ENAH: variants seen among roughly 807,000 people sequenced by gnomAD.
ENAH encodes the protein ENAH actin regulator.
In ENAH, 23 loss-of-function variants were observed where a neutral mutation model predicts 78.7. That is an observed-to-expected ratio of 0.29 (90% CI 0.21 to 0.41). The LOEUF is 0.41. ENAH is among the 10% of genes least tolerant of loss of function. The probability of loss-of-function intolerance (pLI) is 1.00; values close to 1 mark genes in which losing one functional copy is unlikely to be tolerated. For missense variants in ENAH, 544 were observed against 691.0 expected, an observed-to-expected ratio of 0.79 and a Z score of 2.39; for synonymous variants, 226 against 241.0, an observed-to-expected ratio of 0.94 and a Z score of 0.58.
intron 1 of ENAH, among the ~76,000 whole-genome samples, chr1:225,574,326 C>T (rs553718156): frequency 2.0e-5 from 3 of 152,230 alleles, no homozygotes; most frequent in East Asian, 1.9e-4. Context: ...GTGGGCCAGG[C>T]GCGGTGGCTC....
rs990088651 is a variant in ENAH at position 225,639,743 on chromosome 1, C to CACACAA, written c.5+12942_5+12943insTTGTGT. 2.1e-4 allele frequency among the ~76,000 whole-genome samples: 28 copies of CACACAA among 132,266 alleles called. 1 individual carries two copies. In the South Asian group the frequency reaches 4.2e-3, roughly 20 times the overall value. The allele number at this position is 132,266 out of a possible 152,430, so 86.8% of individuals were successfully genotyped here. ...ACACACACACACACACACACACACA[C>CACACAA]AAGAAGGATGGTCCTACTTCCTCCA... On this transcript the variant is annotated intron_variant, in intron 1 of 13. Transcript: ENST00000366843.
chr1:225,623,437 T>C (rs1245770348), intron 1 of ENAH, among the ~76,000 whole-genome samples: 1 of 152,116 alleles, frequency 6.6e-6, no homozygotes, highest in Admixed American at 6.5e-5. Context: ...TTCAAAAATA[T>C]GATAATACTT....
intron 1 of ENAH, among the ~76,000 whole-genome samples, chr1:225,597,655 C>CAA (rs565567062): frequency 1.5e-3 from 90 of 60,862 alleles, no homozygotes; most frequent in East Asian, 1.7e-3. Context: ...AAGAGCATCT[C>CAA]AAAAAAAAAA....
Position 225,494,526 on chromosome 1 carries a change from C to T in ENAH, c.*3249G>A, listed in dbSNP as rs549609288. 1.5e-4 allele frequency: 23 copies of T among 152,152 alleles called. 1 individual carries two copies. The highest frequency in any genetic ancestry group is 1.5e-3 in the Admixed American group (23 of 15,280). 9.4% of individuals were successfully genotyped at this position (152,152 alleles called of 1,614,324 possible). ...TAAAAATTAAACACTTAATCATCAT[C>T]TTGACTATAAGAGGAAGTTACTGTG... On this transcript the variant is annotated 3_prime_UTR_variant, in exon 14 of 14. Transcript: ENST00000366843.
At chr1:225,576,700 T>C (rs525062) in intron 1 of ENAH, among the ~76,000 whole-genome samples, 138,374 of 152,282 alleles carry the variant, frequency 0.91, 63,022 homozygotes, top group African/African-American at 0.96. Context: ...AGAGGCACCA[T>C]AGGAGCAAGC....
chr1:225,650,938 G>C (rs1662878619), intron 1 of ENAH, among the ~76,000 whole-genome samples: 1 of 142,238 alleles, frequency 7.0e-6, no homozygotes, highest in South Asian at 2.3e-4. Context: ...TGAAACAACT[G>C]ATAACTTCTG....
chr1:225,533,811 A>C (rs1012250907), intron 3 of ENAH, among the ~76,000 whole-genome samples: 5 of 152,098 alleles, frequency 3.3e-5, no homozygotes, highest in African/African-American at 1.2e-4. Context: ...GTCACATTTT[A>C]ATTTTCACAA....
intron 1 of ENAH, among the ~76,000 whole-genome samples, chr1:225,639,444 A>G (rs1270384261): frequency 6.6e-6 from 1 of 152,152 alleles, no homozygotes; most frequent in East Asian, 1.9e-4. Flanking sequence ...ACCCCCATCA[A>G]TCGATTAATA....
rs116477158 is a variant in ENAH, at chr1:225,502,014, T to C, written c.1539-944A>G. On this transcript the variant is annotated intron_variant, in intron 11 of 13. Transcript: ENST00000366843. Reference sequence around the variant, plus strand: ...CCCTCCTTTATGAGCCACAAATAAATGCAATTTAAAACCATCAGGCAAATC... The same window carrying C: ...CCCTCCTTTATGAGCCACAAATAAACGCAATTTAAAACCATCAGGCAAATC... Among the ~76,000 whole-genome samples, 399 of 152,298 alleles carry C rather than the reference T, an allele frequency of 2.6e-3. 1 individual carries two copies. The highest frequency in any genetic ancestry group is 4.8e-3 in the Non-Finnish European group (329 of 68,018).
chr1:225,573,790 T>C (rs147120519), intron 1 of ENAH, among the ~76,000 whole-genome samples: 75 of 152,318 alleles, frequency 4.9e-4, no homozygotes, highest in African/African-American at 1.8e-3. Flanking sequence ...GTATGTGATA[T>C]GCTGTAAAGT....
chr1:225,623,141 C>T (rs368027300), intron 1 of ENAH, among the ~76,000 whole-genome samples: 13 of 152,182 alleles, frequency 8.5e-5, no homozygotes, highest in African/African-American at 2.6e-4. Flanking sequence ...GTTCTTACTA[C>T]GGATTTAAGA....
At chr1:225,595,246 T>C (rs2096896782) in intron 1 of ENAH, among the ~76,000 whole-genome samples, 2 of 151,952 alleles carry the variant, frequency 1.3e-5, no homozygotes, top group South Asian at 4.2e-4. Context: ...GGCAGGAGAA[T>C]CGCTTGAACA....
At chr1:225,594,721 C>T (rs1207207876) in intron 1 of ENAH, among the ~76,000 whole-genome samples, 1 of 152,152 alleles carries the variant, frequency 6.6e-6, no homozygotes, top group Admixed American at 6.5e-5. Context: ...CCATGGATAA[C>T]CACTATTTTA....
chr1:225,598,255 A>G (rs2096912350), intron 1 of ENAH, among the ~76,000 whole-genome samples: 1 of 152,146 alleles, frequency 6.6e-6, no homozygotes, highest in African/African-American at 2.4e-5. Flanking sequence ...AATATAAAGT[A>G]AATTATATAA....
At chr1:225,624,596 C>A (rs1191023418) in intron 1 of ENAH, among the ~76,000 whole-genome samples, 1 of 151,966 alleles carries the variant, frequency 6.6e-6, no homozygotes, top group Non-Finnish European at 1.5e-5. Context: ...TGCATTCCAA[C>A]CTGGGCGACA....
At chr1:225,531,552 T>C (rs1419127713) in intron 3 of ENAH, among the ~76,000 whole-genome samples, 1 of 152,092 alleles carries the variant, frequency 6.6e-6, no homozygotes, top group Non-Finnish European at 1.5e-5. Context: ...AAAGAAACAG[T>C]AGTTATCTTC....
intron 3 of ENAH, among the ~76,000 whole-genome samples, chr1:225,532,596 C>G (rs2096543280): frequency 6.6e-6 from 1 of 151,982 alleles, no homozygotes; most frequent in African/African-American, 2.4e-5. Context: ...AAAAAGACGT[C>G]AAAATTTCAA....
At chr1:225,525,534 G>A (rs983044001) in intron 4 of ENAH, among the ~76,000 whole-genome samples, 2 of 152,086 alleles carry the variant, frequency 1.3e-5, no homozygotes, top group African/African-American at 2.4e-5. Context: ...GAAACTACCC[G>A]TCGGGAGCCT....
intron 3 of ENAH, among the ~76,000 whole-genome samples, chr1:225,536,378 C>A (rs2096561560): frequency 6.6e-6 from 1 of 151,240 alleles, no homozygotes. Context: ...TGAGATGAGA[C>A]AAACAAAAGT....
Sources: gnomAD v4.1 joint callset for allele counts (sites outside exome capture counted in the v4.1 genomes callset) on GRCh38, gnomAD v4.1.1 for gene constraint, MANE v1.5 for transcripts, NCBI Gene and HGNC (gene_info 2026-07-23, HGNC 2026-07-21) for gene names.